The following GREB1 variants were observed in gnomAD, a reference collection of about 807,000 sequenced individuals.
The protein encoded by GREB1 is protein GREB1.
Under a neutral mutation model 200.7 loss-of-function variants are expected in GREB1, and 106 were observed. The observed-to-expected ratio is 0.53, with a 90% CI of 0.45 to 0.62. The LOEUF (loss-of-function observed/expected upper bound fraction) is 0.62, where lower values mean the gene tolerates loss of function less well. Ranked by LOEUF, GREB1 falls within the 20% of genes least tolerant of loss-of-function variation. The pLI, the probability that GREB1 is intolerant of heterozygous loss-of-function variation, is 0.00. For synonymous variants in GREB1, 1,132 were observed against 1,092.4 expected (o/e 1.04, Z -0.72); for missense variants, 2,243 against 2,556.8 (o/e 0.88, Z 2.65).
At position 11,633,850 on chromosome 2, in the gene GREB1, A is replaced by G. The variant is rs890424707; in HGVS notation, c.4992-281A>G. ...GTGGCTTTAGGCAAATGGCTAAATC[A>G]TGTTGGGTTCTAGTTTCCTTGTCTG... On this transcript the variant is annotated intron_variant, in intron 28 of 32. Transcript: ENST00000381486. This position sits in a 1 kb window ranked among gnomAD's most constrained non-coding sequence, Gnocchi z 4.1. Among the ~76,000 whole-genome samples, 1 of 151,762 alleles carries G rather than the reference A, an allele frequency of 6.6e-6. No homozygotes were observed. The highest frequency in any genetic ancestry group is 2.4e-5 in the African/African-American group (1 of 41,272).
chr2:11,491,067 G>C (rs1229949247), intron 1 of GREB1, among the ~76,000 whole-genome samples: 1 of 152,180 alleles, frequency 6.6e-6, no homozygotes, highest in Non-Finnish European at 1.5e-5. Flanking sequence ...GTCTTTTGGC[G>C]ATACCCATTC....
intron 19 of GREB1, among the ~76,000 whole-genome samples, chr2:11,614,770 A>G (rs1421756332): frequency 6.6e-6 from 1 of 152,034 alleles, no homozygotes; most frequent in Non-Finnish European, 1.5e-5. Context: ...TCACCGTGTT[A>G]GCCAGGATGG....
chr2:11,636,047 T>C (rs1685291326), intron 30 of GREB1, among the ~76,000 whole-genome samples: 1 of 152,216 alleles, frequency 6.6e-6, no homozygotes, highest in Admixed American at 6.5e-5. Flanking sequence ...CCTCCTTGTC[T>C]CTGTAAACTC....
chr2:11,483,586 C>T (rs113493572), intron 1 of GREB1, among the ~76,000 whole-genome samples: 1 of 151,704 alleles, frequency 6.6e-6, no homozygotes, highest in Admixed American at 6.6e-5. Context: ...TTTAGGGGCC[C>T]CTGCACTTGA....
In GREB1 at chr2:11,634,161, T is replaced by G; in HGVS notation, c.5022T>G (p.Ser1674=). 6.2e-7 allele frequency: 1 copy of G among 1,614,246 alleles called. No individual in the cohort carries two copies. The highest frequency in any genetic ancestry group is 1.3e-5 in the African/African-American group (1 of 75,072). Reference sequence around the variant, plus strand: ...TCTCCTGGTCGGAAAGGAACGTGTCTTTGAAGCACATCATGCAGCACATCG... The same window carrying G: ...TCTCCTGGTCGGAAAGGAACGTGTCGTTGAAGCACATCATGCAGCACATCG... ...REFSWSERNV[S]LKHIMQHIEA... Residue 1674 remains serine (S), a synonymous_variant, in exon 29 of 33, where the codon TCT becomes TCG. Transcript: ENST00000381486.
In GREB1 at chr2:11,615,079, G is replaced by T; in HGVS notation, c.3123-12G>T. On this transcript the variant is annotated splice_polypyrimidine_tract_variant and intron_variant, in intron 19 of 32. Coordinates refer to ENST00000381486, the MANE Select transcript of GREB1 (RefSeq NM_014668.4). ...AGGCACTAAACAGACACCTTCTTCT[G>T]TGTCTTGCTAGGTCTTTGAGGTACT... The T allele has an allele frequency of 6.2e-7, 1 of 1,608,006 alleles. No individual in the cohort carries two copies. The highest frequency in any genetic ancestry group is 1.1e-5 in the South Asian group (1 of 90,902).
intron 17 of GREB1, among the ~76,000 whole-genome samples, chr2:11,609,234 C>T (rs1188774781): frequency 1.9e-5 from 2 of 103,266 alleles, no homozygotes; most frequent in African/African-American, 6.6e-5. Flanking sequence ...TCTTCCTGGG[C>T]ATTATTATTT....
intron 2 of GREB1, among the ~76,000 whole-genome samples, chr2:11,559,320 C>T (rs901129423): frequency 2.0e-5 from 3 of 152,226 alleles, no homozygotes; most frequent in Non-Finnish European, 4.4e-5. Context: ...GGAATGTCCC[C>T]TCGAGCTTGT....
chr2:11,609,455 G>A (rs1682723667), intron 17 of GREB1, among the ~76,000 whole-genome samples: 1 of 151,946 alleles, frequency 6.6e-6, no homozygotes, highest in African/African-American at 2.4e-5. Context: ...TTTTAGTAGA[G>A]GCAGGGTTTC....
intron 1 of GREB1, among the ~76,000 whole-genome samples, chr2:11,508,394 C>T (rs1673242550): frequency 6.6e-6 from 1 of 152,242 alleles, no homozygotes; most frequent in Admixed American, 6.5e-5. Context: ...CCAGATCCTT[C>T]ATTTTCCAAC....
intron 10 of GREB1, chr2:11,592,174 T>TA: frequency 1.3e-6 from 1 of 791,576 alleles, no homozygotes; most frequent in Non-Finnish European, 1.5e-6. Flanking sequence ...TTTGGCTTCC[T>TA]ACTTTTTTTT....
intron 1 of GREB1, among the ~76,000 whole-genome samples, chr2:11,519,906 C>T (rs567834673): frequency 3.9e-5 from 6 of 152,214 alleles, no homozygotes; most frequent in East Asian, 1.9e-4. Context: ...GGAGGCTGAA[C>T]GGGGGTGGAC....
At chr2:11,519,450 T>A (rs1170339252) in intron 1 of GREB1, among the ~76,000 whole-genome samples, 2 of 15,764 alleles carry the variant, frequency 1.3e-4, no homozygotes, top group African/African-American at 4.1e-4. Context: ...CTTGTTTTGG[T>A]TTTTTTTTTT....
In GREB1 at chr2:11,578,762, A is replaced by C. The variant is rs562421982; in HGVS notation, c.772+331A>C. On this transcript the variant is annotated intron_variant, in intron 6 of 32. Coordinates refer to ENST00000381486, the MANE Select transcript of GREB1 (RefSeq NM_014668.4). ...AGATGCTGAGTCAGGGTTTGAATGA[A>C]TTGCTAGAAGGGGTGGAAAAGACCA... 2.6e-5 allele frequency among the ~76,000 whole-genome samples: 4 copies of C among 152,248 alleles called. No individual in the cohort carries two copies. In the East Asian group the frequency reaches 7.7e-4, roughly 29 times the overall value.
At position 11,641,470 on chromosome 2, in the gene GREB1, T is replaced by TTTGTTTTGTA; in HGVS notation, c.*1025_*1026insATTGTTTTGT. 1 of 151,004 alleles carries TTTGTTTTGTA rather than the reference T, an allele frequency of 6.6e-6. No individual in the cohort carries two copies. The highest frequency in any genetic ancestry group is 2.1e-4 in the South Asian group (1 of 4,712). 9.4% of individuals were successfully genotyped at this position (151,004 alleles called of 1,614,324 possible). A position where few individuals can be genotyped will look rare whatever the true frequency, so the allele number is the denominator to read the frequency against. ...CCCCTTCACAGACTGACAGAATGGTTTTGTTTTGTTTTGTTTTGTTTTGTT... is the reference window on the plus strand; with the variant it reads ...CCCCTTCACAGACTGACAGAATGGTTTTGTTTTGTATTGTTTTGTTTTGTTTTGTTTTGTT... On this transcript the variant is annotated 3_prime_UTR_variant, in exon 33 of 33. Coordinates refer to ENST00000381486, the MANE Select transcript of GREB1 (RefSeq NM_014668.4).
At chr2:11,614,672 T>G (rs779331666) in intron 19 of GREB1, among the ~76,000 whole-genome samples, 95 of 152,082 alleles carry the variant, frequency 6.2e-4, no homozygotes, top group Non-Finnish European at 1.2e-3. Flanking sequence ...CACTCCATTC[T>G]CCTGCCTCAG....
upstream of GREB1, among the ~76,000 whole-genome samples, chr2:11,533,368 A>G (rs530810661): frequency 2.0e-4 from 31 of 152,338 alleles, no homozygotes; most frequent in African/African-American, 7.0e-4. Flanking sequence ...TATCTCATTT[A>G]ATCCTCACAA....
At chr2:11,569,021 G>A (rs75905464) in intron 4 of GREB1, among the ~76,000 whole-genome samples, 3,325 of 152,230 alleles carry the variant, frequency 0.022, 106 homozygotes, top group African/African-American at 0.075. Context: ...AATACAGGCT[G>A]GGTAATACCT....
intron 1 of GREB1, among the ~76,000 whole-genome samples, chr2:11,486,900 G>A (rs978380664): frequency 6.6e-6 from 1 of 151,642 alleles, no homozygotes; most frequent in African/African-American, 2.4e-5. Context: ...AACAACCACA[G>A]AAATCTATGA....
Sources: gnomAD v4.1 joint callset for allele counts (sites outside exome capture counted in the v4.1 genomes callset) on GRCh38, gnomAD v4.1.1 for gene constraint, Gnocchi (gnomAD v3.1) non-coding constraint, MANE v1.5 for transcripts, NCBI Gene and HGNC (gene_info 2026-07-23, HGNC 2026-07-21) for gene names.